P2RY8: variants seen among roughly 807,000 people sequenced by gnomAD.
The protein encoded by P2RY8 is S-geranylgeranyl-glutathione receptor P2RY8.
P2RY8 carries 6 observed loss-of-function variants against 10.0 expected under a neutral mutation model. The observed-to-expected ratio is 0.60, with a 90% CI of 0.33 to 1.19. The LOEUF (loss-of-function observed/expected upper bound fraction) is 1.19, where lower values mean the gene tolerates loss of function less well. P2RY8 is among the 50% of genes most tolerant of loss of function. The pLI is 0.04. For synonymous variants in P2RY8, 276 were observed against 252.5 expected, an observed-to-expected ratio of 1.09 and a Z score of -0.88; for missense variants, 456 against 542.0, an observed-to-expected ratio of 0.84 and a Z score of 1.58.
chrX:1,535,638 G>A (rs1456461198), intron 1 of P2RY8, among the ~76,000 whole-genome samples: 1 of 151,338 alleles, frequency 6.6e-6, no homozygotes, highest in African/African-American at 2.4e-5. Context: ...TAGGGCTCTC[G>A]CGCTTCAGAC....
At position 1,489,316 on chromosome X, in the gene P2RY8, G is replaced by A. The variant is rs185127626; in HGVS notation, c.-24-22734C>T. Reference sequence around the variant, plus strand: ...GTAGAGGGAATGAATATCACTCAGAGATTTACTCCTGCAACAGTGGAGAGA... The same window carrying A: ...GTAGAGGGAATGAATATCACTCAGAAATTTACTCCTGCAACAGTGGAGAGA... On this transcript the variant is annotated intron_variant, in intron 1 of 1. Transcript: ENST00000381297. Among the ~76,000 whole-genome samples, 65 of 151,076 alleles carry A rather than the reference G, an allele frequency of 4.3e-4. 1 individual carries two copies. Among genetic ancestry groups the A allele is most frequent in the African/African-American group, 1.6e-3 (65 of 41,066 alleles).
At chrX:1,468,699 C>T (rs192210803) in intron 1 of P2RY8, among the ~76,000 whole-genome samples, 7 of 150,506 alleles carry the variant, frequency 4.7e-5, no homozygotes, top group African/African-American at 1.2e-4. Context: ...CACAGGTGGG[C>T]GCTCAGGGGC....
chrX:1,504,385 T>C (rs749149034), intron 1 of P2RY8, among the ~76,000 whole-genome samples: 1 of 152,308 alleles, frequency 6.6e-6, no homozygotes, highest in East Asian at 1.9e-4. Flanking sequence ...TTCAATCTTA[T>C]TGCCTCCTGA....
chrX:1,510,713 A>G (rs1317797470), intron 1 of P2RY8, among the ~76,000 whole-genome samples: 1 of 152,086 alleles, frequency 6.6e-6, no homozygotes, highest in Non-Finnish European at 1.5e-5. Context: ...CCCTATCTCT[A>G]CTAAAAACAC....
chrX:1,536,027 C>G (rs2092523703), intron 1 of P2RY8, among the ~76,000 whole-genome samples: 1 of 152,114 alleles, frequency 6.6e-6, no homozygotes, highest in South Asian at 2.1e-4. Flanking sequence ...CCGTGCTCAT[C>G]CAGGCACCCA....
At chrX:1,501,282 C>T (rs1156396331) in intron 1 of P2RY8, among the ~76,000 whole-genome samples, 4 of 152,348 alleles carry the variant, frequency 2.6e-5, no homozygotes, top group African/African-American at 9.6e-5. Context: ...GCACTCTGTG[C>T]ATCCCTGTGA....
At chrX:1,490,662 T>A (rs2149390660) in intron 1 of P2RY8, among the ~76,000 whole-genome samples, 1 of 138,642 alleles carries the variant, frequency 7.2e-6, no homozygotes, top group South Asian at 2.4e-4. Context: ...AGGGAATGAA[T>A]GAATGATACC....
intron 1 of P2RY8, among the ~76,000 whole-genome samples, chrX:1,531,261 T>A (rs1189086121): frequency 6.6e-6 from 1 of 152,016 alleles, no homozygotes; most frequent in Non-Finnish European, 1.5e-5. Context: ...CACCCTACAA[T>A]CCCCAGGATG....
intron 1 of P2RY8, among the ~76,000 whole-genome samples, chrX:1,535,704 C>CACACACACAG (rs2092519424): frequency 1.4e-5 from 2 of 147,792 alleles, no homozygotes; most frequent in African/African-American, 2.5e-5. Flanking sequence ...CACACACACA[C>CACACACACAG]ACACACACAC....
At chrX:1,517,954 C>T (rs1338861414) in intron 1 of P2RY8, among the ~76,000 whole-genome samples, 1 of 150,388 alleles carries the variant, frequency 6.6e-6, no homozygotes, top group African/African-American at 2.5e-5. Flanking sequence ...ACTAAAAATA[C>T]AAAAATTAGC....
intron 1 of P2RY8, among the ~76,000 whole-genome samples, chrX:1,488,549 G>A (rs2092008299): frequency 6.6e-6 from 1 of 152,042 alleles, no homozygotes; most frequent in South Asian, 2.1e-4. Context: ...TCCTTCTTGG[G>A]GCATCAGCCC....
chrX:1,518,965 C>A (rs1222755687), intron 1 of P2RY8, among the ~76,000 whole-genome samples: 1 of 151,726 alleles, frequency 6.6e-6, no homozygotes, highest in Non-Finnish European at 1.5e-5. Flanking sequence ...TCTCCCTGGT[C>A]CTCAGTATTT....
intron 1 of P2RY8, among the ~76,000 whole-genome samples, chrX:1,527,317 TATCCATCC>T (rs1185782663): frequency 5.9e-5 from 9 of 151,928 alleles, no homozygotes; most frequent in African/African-American, 1.5e-4. Flanking sequence ...TCCACTCATC[TATCCATCC>T]ATCCATCCAT....
At chrX:1,534,202 ATATTTATATACTTAC>A (rs1266842241) in intron 1 of P2RY8, among the ~76,000 whole-genome samples, 2 of 140,418 alleles carry the variant, frequency 1.4e-5, no homozygotes, top group African/African-American at 5.2e-5. Flanking sequence ...ATTTACATAT[ATATTTATATACTTAC>A]TATTTATATA....
At chrX:1,513,324 T>G (rs1347155434) in intron 1 of P2RY8, among the ~76,000 whole-genome samples, 5 of 152,004 alleles carry the variant, frequency 3.3e-5, no homozygotes, top group Non-Finnish European at 5.9e-5. Context: ...AGTGCTGCAA[T>G]AAACATAGAC....
chrX:1,521,029 CTTTTCTT>C (rs1411107445), intron 1 of P2RY8, among the ~76,000 whole-genome samples: 2 of 83,870 alleles, frequency 2.4e-5, no homozygotes, highest in East Asian at 4.4e-4. Flanking sequence ...TCTGATTTTT[CTTTTCTT>C]TTTTTTTTTT....
At chrX:1,517,323 G>A (rs1178599623) in intron 1 of P2RY8, among the ~76,000 whole-genome samples, 3 of 152,114 alleles carry the variant, frequency 2.0e-5, no homozygotes, top group African/African-American at 7.2e-5. Context: ...GAGGCCTCAG[G>A]AGGAACCAGC....
rs199609195 is a variant in P2RY8, at chrX:1,526,152, CTCAT to C, written c.-25+10765_-25+10768del. 5.2e-3 allele frequency among the ~76,000 whole-genome samples: 766 copies of C among 146,728 alleles called. 11 individuals are homozygous for C. The highest frequency in any genetic ancestry group is 0.018 in the African/African-American group (698 of 39,736). Reference sequence around the variant, plus strand: ...ATTTATTCATGAATCCATTCGTTCACTCATTCATTCATTCATTCATCCACTCATT... The same window carrying C: ...ATTTATTCATGAATCCATTCGTTCACTCATTCATTCATTCATCCACTCATT... On this transcript the variant is annotated intron_variant, in intron 1 of 1. Coordinates refer to ENST00000381297, the MANE Select transcript of P2RY8 (RefSeq NM_178129.5).
intron 1 of P2RY8, among the ~76,000 whole-genome samples, chrX:1,519,894 A>G (rs1450682670): frequency 2.8e-5 from 4 of 143,816 alleles, no homozygotes; most frequent in Non-Finnish European, 6.1e-5. Flanking sequence ...TGGTCCCCAA[A>G]AATCTCCCTG....
Sources: allele counts gnomAD v4.1 joint callset (sites outside exome capture counted in the v4.1 genomes callset), GRCh38; gene constraint gnomAD v4.1.1; transcripts MANE v1.5; gene names NCBI Gene and HGNC (gene_info 2026-07-23, HGNC 2026-07-21).